CAMK4: variants seen among roughly 807,000 people sequenced by gnomAD.
The protein encoded by CAMK4 is calcium/calmodulin dependent protein kinase IV, also known as calcium/calmodulin-dependent protein kinase type IV.
In CAMK4, 22 loss-of-function variants were observed where a neutral mutation model predicts 44.9. The ratio of observed to expected loss-of-function variants is 0.49; its 90% confidence interval spans 0.35 to 0.70. The LOEUF is 0.70. CAMK4 is among the 30% of genes least tolerant of loss of function. The pLI is 0.01. For missense variants in CAMK4, 498 were observed against 586.8 expected (o/e 0.85, Z 1.56); for synonymous variants, 218 against 215.4 (o/e 1.01, Z -0.11).
At chr5:111,402,162 G>A (rs1409361774) in intron 5 of CAMK4, among the ~76,000 whole-genome samples, 1 of 152,232 alleles carries the variant, frequency 6.6e-6, no homozygotes, top group Non-Finnish European at 1.5e-5. Context: ...CTTCTAGCCT[G>A]CCACTCTCTC....
chr5:111,430,211 A>G (rs1368950826), intron 5 of CAMK4, among the ~76,000 whole-genome samples: 4 of 152,230 alleles, frequency 2.6e-5, no homozygotes, highest in African/African-American at 7.2e-5. Context: ...AATGAGGGAA[A>G]AAAACCATGT....
intron 1 of CAMK4, among the ~76,000 whole-genome samples, chr5:111,319,765 G>A (rs1465590530): frequency 6.6e-6 from 1 of 152,124 alleles, no homozygotes; most frequent in Admixed American, 6.6e-5. Flanking sequence ...TGGTTATCCA[G>A]GAATGCTAGT....
chr5:111,491,866 GA>G lies in CAMK4; in HGVS notation c.*7403del, dbSNP rs1755848857. On this transcript the variant is annotated 3_prime_UTR_variant, in exon 11 of 11. Transcript: ENST00000282356. ...ATTGAATTTTCATTAATCATTTTAG[GA>G]AATATTATGTTTTATTTTGTGGCAT... The G allele has an allele frequency of 6.6e-6, 1 of 152,000 alleles. No homozygotes were observed. The highest frequency in any genetic ancestry group is 2.1e-4 in the South Asian group (1 of 4,816). The allele number at this position is 152,000 out of a possible 1,614,324, so 9.4% of individuals were successfully genotyped here.
rs1750971942 is a variant in CAMK4, at chr5:111,370,744, GTCTC to G, written c.241-4104_241-4101del. On this transcript the variant is annotated intron_variant, in intron 2 of 10. Transcript: ENST00000282356. ...ATCCTGGCCAACATGATGAAACCCCGTCTCTACCAGAAATACAAAAATTTGCTGG... is the reference window on the plus strand; with the variant it reads ...ATCCTGGCCAACATGATGAAACCCCGTACCAGAAATACAAAAATTTGCTGG... Among the ~76,000 whole-genome samples the G allele has an allele frequency of 2.6e-5, 4 of 151,964 alleles. No individual in the cohort carries two copies. The South Asian group carries it at 8.3e-4, about 32-fold the overall frequency.
chr5:111,441,219 C>T (rs960827748), intron 5 of CAMK4, among the ~76,000 whole-genome samples: 1 of 152,270 alleles, frequency 6.6e-6, no homozygotes, highest in Non-Finnish European at 1.5e-5. Context: ...TTAAACAGAA[C>T]TTAGCAGAGA....
intron 1 of CAMK4, among the ~76,000 whole-genome samples, chr5:111,343,307 A>G (rs903277841): frequency 6.6e-6 from 1 of 151,720 alleles, no homozygotes; most frequent in Non-Finnish European, 1.5e-5. Context: ...TGACAAGTTT[A>G]CTGATCTTAA....
At chr5:111,314,320 C>G (rs1411746641) in intron 1 of CAMK4, among the ~76,000 whole-genome samples, 6 of 151,950 alleles carry the variant, frequency 3.9e-5, no homozygotes, top group African/African-American at 9.7e-5. Flanking sequence ...ACAGCATATC[C>G]ATATAATGGA....
intron 1 of CAMK4, among the ~76,000 whole-genome samples, chr5:111,272,161 G>A (rs1750546346): frequency 6.6e-6 from 1 of 151,858 alleles, no homozygotes; most frequent in South Asian, 2.1e-4. Context: ...TAAAAGATGA[G>A]TAATTTGCCA....
chr5:111,454,776 A>G (rs1305010397), intron 7 of CAMK4, among the ~76,000 whole-genome samples: 1 of 152,108 alleles, frequency 6.6e-6, no homozygotes, highest in Non-Finnish European at 1.5e-5. Flanking sequence ...AAGTTTGTGG[A>G]TGTTTCAAAC....
At chr5:111,266,422 T>C (rs1239179311) in intron 1 of CAMK4, among the ~76,000 whole-genome samples, 1 of 152,204 alleles carries the variant, frequency 6.6e-6, no homozygotes. Flanking sequence ...TTTACTATTC[T>C]CAGGTATTTA....
Position 111,342,167 on chromosome 5 carries a change from A to C in CAMK4, c.162-1857A>C, listed in dbSNP as rs76590105. On this transcript the variant is annotated intron_variant, in intron 1 of 10. Coordinates refer to ENST00000282356, the MANE Select transcript of CAMK4 (RefSeq NM_001744.6). ...GGTAGGGCTGTTCTGTTGTTCTGTA[A>C]TCCTTCCTGAGAGTTTGTCTGCTTT... Among the ~76,000 whole-genome samples, 676 of 151,360 alleles carry C rather than the reference A, an allele frequency of 4.5e-3. 7 individuals carry two copies. Among genetic ancestry groups the C allele is most frequent in the African/African-American group, 0.016 (647 of 41,406 alleles).
chr5:111,261,121 GAC>G (rs1269442327), intron 1 of CAMK4, among the ~76,000 whole-genome samples: 1 of 152,114 alleles, frequency 6.6e-6, no homozygotes, highest in East Asian at 1.9e-4. Flanking sequence ...TATCCTTAAA[GAC>G]ACAATTTGGA....
At chr5:111,292,321 C>G (rs961081094) in intron 1 of CAMK4, among the ~76,000 whole-genome samples, 1 of 152,042 alleles carries the variant, frequency 6.6e-6, no homozygotes, top group African/African-American at 2.4e-5. Flanking sequence ...TTTCAAACTA[C>G]TTATTAGCCA....
chr5:111,289,780 A>G (rs1322238547), intron 1 of CAMK4, among the ~76,000 whole-genome samples: 1 of 152,204 alleles, frequency 6.6e-6, no homozygotes, highest in Non-Finnish European at 1.5e-5. Context: ...CAGTGCACCA[A>G]AAGATGCCCA....
intron 5 of CAMK4, among the ~76,000 whole-genome samples, chr5:111,431,612 A>G (rs1036020811): frequency 7.2e-5 from 11 of 152,126 alleles, no homozygotes; most frequent in African/African-American, 1.4e-4. Context: ...AACTATTCCT[A>G]TGACAAGGAA....
At chr5:111,296,761 C>T (rs1163709183) in intron 1 of CAMK4, among the ~76,000 whole-genome samples, 1 of 152,184 alleles carries the variant, frequency 6.6e-6, no homozygotes, top group Non-Finnish European at 1.5e-5. Context: ...ATCACAAACT[C>T]TTGGGAAATT....
intron 2 of CAMK4, among the ~76,000 whole-genome samples, chr5:111,351,424 A>G (rs1473321389): frequency 6.9e-6 from 1 of 145,444 alleles, no homozygotes; most frequent in East Asian, 2.0e-4. Flanking sequence ...TTTTTTTTTG[A>G]GACAGAGTTT....
intron 4 of CAMK4, among the ~76,000 whole-genome samples, chr5:111,386,206 T>G (rs1024551278): frequency 6.6e-6 from 1 of 152,132 alleles, no homozygotes. Context: ...TACAAAGAAG[T>G]GGTAGATTTA....
chr5:111,471,459 C>A (rs1370934187), intron 7 of CAMK4, among the ~76,000 whole-genome samples: 1 of 152,036 alleles, frequency 6.6e-6, no homozygotes, highest in Non-Finnish European at 1.5e-5. Flanking sequence ...GAACATTGTC[C>A]CCACAAACTT....
Sources: allele counts gnomAD v4.1 joint callset (sites outside exome capture counted in the v4.1 genomes callset), GRCh38; gene constraint gnomAD v4.1.1; transcripts MANE v1.5; gene names NCBI Gene and HGNC (gene_info 2026-07-23, HGNC 2026-07-21).